SLC49A4: variants seen among roughly 807,000 people sequenced by gnomAD.
The protein encoded by SLC49A4 is disrupted in renal cancer protein 2.
A neutral mutation model predicts 50.6 loss-of-function variants in SLC49A4; 36 were observed. The ratio of observed to expected loss-of-function variants is 0.71; its 90% CI spans 0.55 to 0.94. The LOEUF (loss-of-function observed/expected upper bound fraction) is 0.94. Among genes scored for constraint, SLC49A4 ranks in the 40% least tolerant of loss-of-function variants. The pLI is 0.00. For missense variants in SLC49A4, 503 were observed against 605.7 expected, an observed-to-expected ratio of 0.83 and a Z score of 1.78; for synonymous variants, 248 against 241.2, an observed-to-expected ratio of 1.03 and a Z score of -0.26.
At chr3:122,877,765 C>G (rs1331088821) in intron 8 of SLC49A4, among the ~76,000 whole-genome samples, 1 of 125,088 alleles carries the variant, frequency 8.0e-6, no homozygotes, top group African/African-American at 3.0e-5. Context: ...GTAAAATTAT[C>G]AGAAATCCAG....
At chr3:122,841,917 G>A (rs984908227) in intron 4 of SLC49A4, among the ~76,000 whole-genome samples, 4 of 148,892 alleles carry the variant, frequency 2.7e-5, no homozygotes, top group South Asian at 2.2e-4. Context: ...ATAGCACGTC[G>A]TACATTGCCT....
At chr3:122,824,730 C>CTTTTTT (rs71621693) in intron 2 of SLC49A4, among the ~76,000 whole-genome samples, 14 of 82,912 alleles carry the variant, frequency 1.7e-4, no homozygotes, top group East Asian at 3.5e-4. Context: ...TTTTTTCCTT[C>CTTTTTT]TTTTTTTTTT....
intron 3 of SLC49A4, 95 bp downstream of exon 3, chr3:122,827,160 T>TA (rs763786937): frequency 3.0e-4 from 400 of 1,339,990 alleles, no homozygotes; most frequent in Non-Finnish European, 3.7e-4. Context: ...TCATATGAAA[T>TA]ACTTGAGAGG....
At chr3:122,861,642 T>C (rs1184300139) in intron 7 of SLC49A4, among the ~76,000 whole-genome samples, 1 of 152,244 alleles carries the variant, frequency 6.6e-6, no homozygotes, top group Non-Finnish European at 1.5e-5. Flanking sequence ...TATCCCACTT[T>C]GGATCTCTAT....
chr3:122,797,036 A>G (rs1936052680), intron 1 of SLC49A4, among the ~76,000 whole-genome samples: 1 of 152,200 alleles, frequency 6.6e-6, no homozygotes, highest in South Asian at 2.1e-4. Context: ...TAGCAGGGTG[A>G]TGTTAGTAGT....
chr3:122,810,048 G>A (rs1426755789), intron 2 of SLC49A4, among the ~76,000 whole-genome samples: 1 of 152,188 alleles, frequency 6.6e-6, no homozygotes, highest in Non-Finnish European at 1.5e-5. Context: ...GGGAAGGCCA[G>A]TGTTGAAACA....
intron 3 of SLC49A4, among the ~76,000 whole-genome samples, chr3:122,831,459 T>TA (rs1274744322): frequency 1.3e-5 from 2 of 152,144 alleles, no homozygotes; most frequent in Non-Finnish European, 2.9e-5. Flanking sequence ...TACTGATACA[T>TA]ACTCCAACAT....
At chr3:122,838,085 T>C (rs1267379651) in intron 4 of SLC49A4, among the ~76,000 whole-genome samples, 3 of 151,382 alleles carry the variant, frequency 2.0e-5, no homozygotes, top group Non-Finnish European at 4.4e-5. Context: ...TGTGGAGAAA[T>C]AGGAACACTT....
chr3:122,797,571 G>A (rs542888961), intron 1 of SLC49A4, among the ~76,000 whole-genome samples: 5 of 152,336 alleles, frequency 3.3e-5, no homozygotes, highest in Non-Finnish European at 7.4e-5. Context: ...AGAACTTCCA[G>A]CTAGAGCAAA....
chr3:122,851,939 G>A (rs890276638), intron 5 of SLC49A4, among the ~76,000 whole-genome samples: 1 of 149,026 alleles, frequency 6.7e-6, no homozygotes, highest in Admixed American at 6.7e-5. Context: ...TGTCAAATAT[G>A]CTATTAAATT....
chr3:122,835,158 T>C (rs1936661794), intron 4 of SLC49A4, among the ~76,000 whole-genome samples: 4 of 152,188 alleles, frequency 2.6e-5, no homozygotes, highest in Admixed American at 2.6e-4. Flanking sequence ...CCAATCCTAC[T>C]GAAACTATTC....
intron 8 of SLC49A4, among the ~76,000 whole-genome samples, chr3:122,877,813 C>G (rs1007476179): frequency 6.6e-6 from 1 of 152,066 alleles, no homozygotes; most frequent in African/African-American, 2.4e-5. Context: ...CCCAGTGTGT[C>G]ATTTCAGGGA....
Position 122,821,184 on chromosome 3 carries a change from A to G in SLC49A4, c.438-5616A>G, listed in dbSNP as rs148407714. 6.9e-3 allele frequency among the ~76,000 whole-genome samples: 1,049 copies of G among 152,296 alleles called. 11 individuals are homozygous for G. The highest frequency in any genetic ancestry group is 0.024 in the African/African-American group (1,003 of 41,566). On this transcript the variant is annotated intron_variant, in intron 2 of 8. Transcript: ENST00000261038. The stretch of plus-strand genomic sequence containing the variant: ...TCCAGCCATGTGGAACTGTGAGTCC[A>G]TTAAACTTCTTTTTCTTTATAAATT...
intron 1 of SLC49A4, among the ~76,000 whole-genome samples, chr3:122,799,166 A>G (rs887396509): frequency 1.3e-5 from 2 of 152,184 alleles, no homozygotes; most frequent in Non-Finnish European, 2.9e-5. Context: ...TCCTCCTAGT[A>G]AGGAGATCCA....
intron 4 of SLC49A4, among the ~76,000 whole-genome samples, chr3:122,839,193 TAGA>T (rs1936733981): frequency 6.6e-6 from 1 of 151,990 alleles, no homozygotes; most frequent in African/African-American, 2.4e-5. Context: ...AAGCCACAAG[TAGA>T]AGAATGAAAC....
At chr3:122,856,946 T>A (rs1435011142) in intron 6 of SLC49A4, among the ~76,000 whole-genome samples, 3 of 151,768 alleles carry the variant, frequency 2.0e-5, no homozygotes, top group Middle Eastern at 3.2e-3. Flanking sequence ...GTAGTTAAGG[T>A]GCCTCTTTCC....
At chr3:122,861,221 G>A (rs1296897972) in intron 7 of SLC49A4, among the ~76,000 whole-genome samples, 3 of 152,082 alleles carry the variant, frequency 2.0e-5, no homozygotes, top group Non-Finnish European at 4.4e-5. Flanking sequence ...CCTTTGTCTT[G>A]TGAAATAACA....
At position 122,827,210 on chromosome 3, in the gene SLC49A4, A is replaced by G. The variant is rs762561310; in HGVS notation, c.703+145A>G. 2.0e-5 allele frequency: 18 copies of G among 898,330 alleles called. 1 individual carries two copies. The highest frequency in any genetic ancestry group is 3.0e-5 in the Non-Finnish European group (18 of 608,204). The allele number at this position is 898,330 out of a possible 1,614,324, so 55.6% of individuals were successfully genotyped here. Reference sequence around the variant, plus strand: ...TTACATGCACTGTGCATTCCTTGTCATATGATATAGAGATGCTTAATTAAA... The same window carrying G: ...TTACATGCACTGTGCATTCCTTGTCGTATGATATAGAGATGCTTAATTAAA... On this transcript the variant is annotated intron_variant, in intron 3 of 8. Coordinates refer to ENST00000261038, the MANE Select transcript of SLC49A4 (RefSeq NM_032839.3).
At chr3:122,839,755 T>C (rs926282111) in intron 4 of SLC49A4, among the ~76,000 whole-genome samples, 1 of 152,168 alleles carries the variant, frequency 6.6e-6, no homozygotes, top group African/African-American at 2.4e-5. Context: ...TTGACATGGA[T>C]GTGGTGAAAA....
Sources: gnomAD v4.1 joint callset for allele counts (sites outside exome capture counted in the v4.1 genomes callset) on GRCh38, gnomAD v4.1.1 for gene constraint, MANE v1.5 for transcripts, NCBI Gene and HGNC (gene_info 2026-07-23, HGNC 2026-07-21) for gene names.